Variants in MED6 observed in about 807,000 individuals in gnomAD.
MED6 encodes the protein mediator of RNA polymerase II transcription subunit 6.
MED6 carries 33 observed loss-of-function variants against 37.5 expected under a neutral mutation model. That is an observed-to-expected ratio of 0.88 (90% CI 0.67 to 1.18). MED6 has a LOEUF of 1.18. Ranked by LOEUF, MED6 falls within the 50% of genes most tolerant of loss-of-function variation. MED6 has a pLI of 0.00. For missense variants in MED6, 235 were observed against 290.6 expected (o/e 0.81, Z 1.39); for synonymous variants, 94 against 93.6 (o/e 1.00, Z -0.02).
At chr14:70,585,637 C>T in intron 7 of MED6, 119 bp downstream of exon 7, 1 of 764,900 alleles carries the variant, frequency 1.3e-6, no homozygotes, top group Non-Finnish European at 1.9e-6. Flanking sequence ...CAATGAGACC[C>T]AGCCCCAGCT....
intron 2 of MED6, among the ~76,000 whole-genome samples, chr14:70,597,247 T>A (rs1452630812): frequency 6.6e-6 from 1 of 152,200 alleles, no homozygotes; most frequent in East Asian, 1.9e-4. Flanking sequence ...AAGCTCCTCC[T>A]CAATATGTAG....
At chr14:70,591,043 T>C (rs1290454044) in intron 6 of MED6, among the ~76,000 whole-genome samples, 2 of 152,242 alleles carry the variant, frequency 1.3e-5, no homozygotes, top group African/African-American at 4.8e-5. Context: ...CCTCATAGTT[T>C]GTGAAGTTTC....
intron 2 of MED6, among the ~76,000 whole-genome samples, chr14:70,596,986 C>T (rs1206073778): frequency 1.3e-5 from 2 of 152,018 alleles, no homozygotes; most frequent in African/African-American, 2.4e-5. Flanking sequence ...AAAGAGTGTC[C>T]GTTTCAAAAA....
chr14:70,594,324 C>T (rs146311689), intron 3 of MED6, among the ~76,000 whole-genome samples: 355 of 152,348 alleles, frequency 2.3e-3, no homozygotes, highest in African/African-American at 8.3e-3. Flanking sequence ...CTACACTCTT[C>T]AGTGTTGTTT....
intron 5 of MED6, 53 bp from the exon 6 acceptor site, chr14:70,591,434 CA>C (rs1412124357): frequency 7.2e-7 from 1 of 1,379,368 alleles, no homozygotes; most frequent in African/African-American, 1.5e-5. Flanking sequence ...TTTGGTGTCT[CA>C]TATTTTACAA....
chr14:70,597,297 T>C (rs531887502), intron 2 of MED6, among the ~76,000 whole-genome samples: 104 of 152,340 alleles, frequency 6.8e-4, no homozygotes, highest in Admixed American at 4.7e-3. Context: ...TCAAATACTT[T>C]TGTAATATAA....
intron 7 of MED6, among the ~76,000 whole-genome samples, chr14:70,585,194 T>C (rs1323444504): frequency 4.6e-5 from 7 of 152,198 alleles, no homozygotes; most frequent in Non-Finnish European, 1.0e-4. Flanking sequence ...AAAAACAAGA[T>C]ATATAATTAT....
chr14:70,585,828 A>G (rs774076237), intron 6 of MED6, 45 bp from the exon 7 acceptor site: 1 of 1,563,996 alleles, frequency 6.4e-7, no homozygotes, highest in Non-Finnish European at 8.7e-7. Context: ...GAGGAAAAAG[A>G]AGAAAACAGG....
In MED6 at chr14:70,592,790, G is replaced by GA; in HGVS notation, c.466+89dup. The GA allele has an allele frequency of 5.5e-6, 8 of 1,442,794 alleles. No individual in the cohort carries two copies. The South Asian group carries it at 8.5e-5, about 15-fold the overall frequency. The allele number at this position is 1,442,794 out of a possible 1,614,324, so 89.4% of individuals were successfully genotyped here. The stretch of plus-strand genomic sequence containing the variant: ...CCCATGAAAAAGTGAAACACACTTA[G>GA]AAAAGATCAACAGCCATTTTCCTAA... On this transcript the variant is annotated intron_variant, in intron 5 of 7. Transcript: ENST00000256379.
At chr14:70,594,959 A>G in intron 3 of MED6, 2 of 601,630 alleles carry the variant, frequency 3.3e-6, no homozygotes, top group South Asian at 2.7e-5. Flanking sequence ...AAGACCATCG[A>G]GGACCTGAGG....
chr14:70,599,322 T>C (rs1885136729), intron 1 of MED6, among the ~76,000 whole-genome samples: 1 of 152,188 alleles, frequency 6.6e-6, no homozygotes, highest in Non-Finnish European at 1.5e-5. Flanking sequence ...GTATAGACCA[T>C]TTAGATAGTT....
intron 3 of MED6, chr14:70,595,119 T>C (rs17113651): frequency 0.12 from 63,633 of 522,336 alleles, 5,691 homozygotes; most frequent in East Asian, 0.49. Context: ...GCAAGGTCAA[T>C]GACACCAGTG....
intron 2 of MED6, 70 bp downstream of exon 2, chr14:70,597,546 CCA>C (rs1476997494): frequency 1.2e-5 from 15 of 1,299,080 alleles, no homozygotes; most frequent in African/African-American, 1.5e-5. Context: ...ACTTCATGAT[CCA>C]CAGTTTGAAA....
At chr14:70,593,678 A>T (rs1428684411) in intron 3 of MED6, among the ~76,000 whole-genome samples, 1 of 152,184 alleles carries the variant, frequency 6.6e-6, no homozygotes, top group Non-Finnish European at 1.5e-5. Context: ...TGCTTCTCAA[A>T]TTTTAATGTG....
intron 6 of MED6, among the ~76,000 whole-genome samples, chr14:70,590,369 T>C (rs1884832586): frequency 6.6e-6 from 1 of 152,212 alleles, no homozygotes; most frequent in South Asian, 2.1e-4. Context: ...GTTGATGAGA[T>C]TCCTCTAAAC....
chr14:70,583,397 T>C lies in MED6; in HGVS notation c.*1416A>G, dbSNP rs1001988756. ...TGCTACTTAACACTAAAAACATAAATGACAAAATTCAGTGGTAGCAATTCT... is the reference window on the plus strand; with the variant it reads ...TGCTACTTAACACTAAAAACATAAACGACAAAATTCAGTGGTAGCAATTCT... On this transcript the variant is annotated 3_prime_UTR_variant, in exon 8 of 8. Coordinates refer to ENST00000256379, the MANE Select transcript of MED6 (RefSeq NM_005466.4). The C allele has an allele frequency of 1.3e-5, 2 of 152,194 alleles. No individual in the cohort carries two copies. Among genetic ancestry groups the C allele is most frequent in the Non-Finnish European group, 2.9e-5 (2 of 68,026 alleles). 9.4% of individuals were successfully genotyped at this position (152,194 alleles called of 1,614,324 possible).
At position 70,585,765 on chromosome 14, in the gene MED6, G is replaced by A; in HGVS notation, c.601C>T (p.Pro201Ser). 6.2e-7 allele frequency: 1 copy of A among 1,601,726 alleles called. No homozygotes were observed. The highest frequency in any genetic ancestry group is 8.5e-7 in the Non-Finnish European group (1 of 1,175,174). The change falls in exon 7 of 8, where the codon CCT (proline) becomes TCT (serine). Residue 201 changes from proline (P) to serine (S), a missense_variant. Pro to Ser is a moderately conservative substitution (Grantham distance 74, BLOSUM62 -1). Transcript: ENST00000256379. ...ATTACATGAACCATACCTGGAACAG[G>A]CTTTTCTCCAGGCTTTAGCTATAAT... ...KFVQLKPGEKPVPVDQTKKEA... is the reference protein window; with the variant it reads ...KFVQLKPGEKSVPVDQTKKEA...
intron 3 of MED6, chr14:70,596,371 T>G (rs1409117918): frequency 2.6e-6 from 1 of 384,278 alleles, no homozygotes; most frequent in Non-Finnish European, 4.8e-6. Flanking sequence ...AGACCCCACC[T>G]GACATGTCTT....
At chr14:70,585,670 G>C (rs1378646654) in intron 7 of MED6, 86 bp downstream of exon 7, 1 of 1,205,020 alleles carries the variant, frequency 8.3e-7, no homozygotes, top group Non-Finnish European at 1.1e-6. Context: ...AATGACCACA[G>C]CTCATTTCAC....
Sources: gnomAD v4.1 joint callset for allele counts (sites outside exome capture counted in the v4.1 genomes callset) on GRCh38, gnomAD v4.1.1 for gene constraint, MANE v1.5 for transcripts, NCBI Gene and HGNC (gene_info 2026-07-23, HGNC 2026-07-21) for gene names.